The following RSRC1 variants were observed in gnomAD, a reference collection of about 807,000 sequenced individuals.
RSRC1 encodes the protein arginine and serine rich coiled-coil 1, also known as serine/Arginine-related protein 53.
RSRC1 carries 39 observed loss-of-function variants against 49.1 expected under a neutral mutation model. That is an observed-to-expected ratio of 0.79 (90% CI 0.61 to 1.04). The LOEUF (loss-of-function observed/expected upper bound fraction) is 1.04. RSRC1 is among the 50% of genes least tolerant of loss of function. The pLI, the probability that RSRC1 is intolerant of heterozygous loss-of-function variation, is 0.00. For missense variants in RSRC1, 388 were observed against 402.4 expected, an observed-to-expected ratio of 0.96 and a Z score of 0.31; for synonymous variants, 143 against 130.8, an observed-to-expected ratio of 1.09 and a Z score of -0.63.
intron 4 of RSRC1, among the ~76,000 whole-genome samples, chr3:158,267,860 A>ATTTTTT (rs368565806): frequency 3.2e-5 from 4 of 125,042 alleles, no homozygotes; most frequent in East Asian, 2.4e-4. Flanking sequence ...TTCCATATCT[A>ATTTTTT]TTTTTTTTTT....
chr3:158,185,220 C>A (rs755251727), intron 3 of RSRC1, among the ~76,000 whole-genome samples: 3 of 151,840 alleles, frequency 2.0e-5, no homozygotes, highest in Non-Finnish European at 4.4e-5. Context: ...AATGCAGTGT[C>A]TTTGATACCT....
chr3:158,345,753 C>T (rs1376699878), intron 5 of RSRC1, among the ~76,000 whole-genome samples: 2 of 144,542 alleles, frequency 1.4e-5, no homozygotes, highest in African/African-American at 2.5e-5. Flanking sequence ...TAGAAAGAGA[C>T]TCATCATATA....
chr3:158,414,159 A>G (rs1734617379), intron 6 of RSRC1, among the ~76,000 whole-genome samples: 1 of 152,220 alleles, frequency 6.6e-6, no homozygotes, highest in Non-Finnish European at 1.5e-5. Context: ...CCAAATGCCC[A>G]TCAGTGATAG....
intron 4 of RSRC1, among the ~76,000 whole-genome samples, chr3:158,236,122 A>G (rs1034933552): frequency 2.0e-5 from 3 of 151,128 alleles, no homozygotes; most frequent in African/African-American, 7.4e-5. Flanking sequence ...GTCTCAAAAA[A>G]AAAAAAGGAA....
intron 2 of RSRC1, among the ~76,000 whole-genome samples, chr3:158,123,324 T>A (rs550043328): frequency 6.6e-6 from 1 of 152,264 alleles, no homozygotes; most frequent in African/African-American, 2.4e-5. Flanking sequence ...TAAATTTTTT[T>A]AGAGACAAGA....
At chr3:158,440,624 CA>C (rs1248856904) in intron 6 of RSRC1, among the ~76,000 whole-genome samples, 1 of 152,160 alleles carries the variant, frequency 6.6e-6, no homozygotes, top group African/African-American at 2.4e-5. Flanking sequence ...AAATCCACAC[CA>C]GATTCTATAG....
intron 6 of RSRC1, among the ~76,000 whole-genome samples, chr3:158,425,935 T>C (rs1021073849): frequency 6.6e-6 from 1 of 151,736 alleles, no homozygotes; most frequent in Admixed American, 6.6e-5. Context: ...GAAAAAACTA[T>C]AGTAATTAAA....
At chr3:158,121,087 C>T (rs1715226600) in intron 1 of RSRC1, among the ~76,000 whole-genome samples, 1 of 151,678 alleles carries the variant, frequency 6.6e-6, no homozygotes, top group South Asian at 2.1e-4. Flanking sequence ...AATTATATTG[C>T]ATCATTTAAA....
chr3:158,192,167 A>G (rs1425382967), intron 3 of RSRC1, among the ~76,000 whole-genome samples: 1 of 152,092 alleles, frequency 6.6e-6, no homozygotes. Context: ...ATTAAGACAT[A>G]GAGGGCAGGG....
chr3:158,476,798 A>G (rs187579200), intron 7 of RSRC1, among the ~76,000 whole-genome samples: 1 of 152,302 alleles, frequency 6.6e-6, no homozygotes, highest in East Asian at 1.9e-4. Context: ...TTTAAGAAAT[A>G]TATTTTGTGG....
rs187800035 is a variant in RSRC1, at chr3:158,232,683, A to G, written c.494+29438A>G. On this transcript the variant is annotated intron_variant, in intron 4 of 9. Coordinates refer to ENST00000611884, the MANE Select transcript of RSRC1 (RefSeq NM_001271838.2). ...TAAGAATGAAGTCATGTTTTAGCCT[A>G]TGTCTGGGGAGCACGGCATAATTTT... Among the ~76,000 whole-genome samples, 7 of 152,172 alleles carry G rather than the reference A, an allele frequency of 4.6e-5. No homozygotes were observed. The East Asian group carries it at 1.4e-3, about 29-fold the overall frequency.
intron 3 of RSRC1, among the ~76,000 whole-genome samples, chr3:158,145,645 G>GTA: frequency 6.6e-6 from 1 of 152,308 alleles, no homozygotes; most frequent in African/African-American, 2.4e-5. Flanking sequence ...GAACTTTAAA[G>GTA]TAGTTTTTTT....
At chr3:158,345,049 T>C (rs1473989768) in intron 5 of RSRC1, among the ~76,000 whole-genome samples, 1 of 150,832 alleles carries the variant, frequency 6.6e-6, no homozygotes, top group African/African-American at 2.4e-5. Context: ...TGAAACCCCA[T>C]CTCTACTAAA....
chr3:158,403,190 C>T (rs1733982108), intron 6 of RSRC1, among the ~76,000 whole-genome samples: 1 of 151,814 alleles, frequency 6.6e-6, no homozygotes, highest in Non-Finnish European at 1.5e-5. Context: ...AGCAAAAACT[C>T]ATTCTGAGAG....
At chr3:158,307,424 T>G (rs1727895852) in intron 5 of RSRC1, among the ~76,000 whole-genome samples, 1 of 151,944 alleles carries the variant, frequency 6.6e-6, no homozygotes, top group Non-Finnish European at 1.5e-5. Flanking sequence ...ACTGCTTACC[T>G]AACTTAAATG....
At chr3:158,186,528 ACC>A (rs968383800) in intron 3 of RSRC1, among the ~76,000 whole-genome samples, 1 of 151,960 alleles carries the variant, frequency 6.6e-6, no homozygotes, top group African/African-American at 2.4e-5. Flanking sequence ...TTATTGGTGG[ACC>A]TTGATTATCT....
intron 6 of RSRC1, among the ~76,000 whole-genome samples, chr3:158,458,617 G>C (rs1016879729): frequency 1.3e-5 from 2 of 152,128 alleles, no homozygotes; most frequent in African/African-American, 4.8e-5. Context: ...TGGAACTTGT[G>C]TACAAGATTA....
intron 7 of RSRC1, among the ~76,000 whole-genome samples, chr3:158,516,697 C>G (rs577524108): frequency 3.3e-5 from 5 of 152,228 alleles, no homozygotes; most frequent in African/African-American, 7.2e-5. Flanking sequence ...TCCCCAGCCT[C>G]GTTGCCGCCT....
chr3:158,285,197 T>TAGTTGTAGTTATTCGGCGTTA (rs1726445045), intron 4 of RSRC1, among the ~76,000 whole-genome samples: 1 of 152,188 alleles, frequency 6.6e-6, no homozygotes. Flanking sequence ...AAAGATCAGA[T>TAGTTGTAGTTATTCGGCGTTA]AGTTGTAGTT....
Sources: gnomAD v4.1 joint callset for allele counts (sites outside exome capture counted in the v4.1 genomes callset) on GRCh38, gnomAD v4.1.1 for gene constraint, MANE v1.5 for transcripts, NCBI Gene and HGNC (gene_info 2026-07-23, HGNC 2026-07-21) for gene names.